Variants in TMEM132D observed in about 807,000 individuals in gnomAD.
TMEM132D encodes the protein mature OL transmembrane protein.
A neutral mutation model predicts 62.3 loss-of-function variants in TMEM132D; 21 were observed. That is an observed-to-expected ratio of 0.34 (90% confidence interval 0.24 to 0.49). The LOEUF (loss-of-function observed/expected upper bound fraction) is 0.49. TMEM132D is among the 20% of genes least tolerant of loss of function. The probability of loss-of-function intolerance (pLI) is 0.99; values close to 1 mark genes in which losing one functional copy is unlikely to be tolerated. For synonymous variants in TMEM132D, 621 were observed against 575.6 expected (o/e 1.08, Z -1.13); for missense variants, 1,346 against 1,402.8 (o/e 0.96, Z 0.65).
chr12:129,458,826 T>G (rs892959985), intron 3 of TMEM132D, among the ~76,000 whole-genome samples: 1 of 152,262 alleles, frequency 6.6e-6, no homozygotes, highest in Middle Eastern at 3.4e-3. Context: ...TTTCACCCAG[T>G]TGAAGTGGAG....
chr12:129,456,304 C>G (rs1873463649), intron 3 of TMEM132D, among the ~76,000 whole-genome samples: 1 of 152,114 alleles, frequency 6.6e-6, no homozygotes, highest in Non-Finnish European at 1.5e-5. Flanking sequence ...CAAACGTTAC[C>G]TGCTGTTACC....
At chr12:129,789,898 C>A (rs2095149727) in intron 1 of TMEM132D, among the ~76,000 whole-genome samples, 1 of 152,230 alleles carries the variant, frequency 6.6e-6, no homozygotes, top group Non-Finnish European at 1.5e-5. Context: ...TCTATTAGGA[C>A]ATCACTTGTG....
intron 4 of TMEM132D, among the ~76,000 whole-genome samples, chr12:129,260,148 G>A (rs918711874): frequency 6.6e-6 from 1 of 152,184 alleles, no homozygotes; most frequent in African/African-American, 2.4e-5. Context: ...TAAATTTGGG[G>A]GGTTGAGAAG....
At chr12:129,865,499 T>C (rs1242329760) in intron 1 of TMEM132D, among the ~76,000 whole-genome samples, 1 of 152,146 alleles carries the variant, frequency 6.6e-6, no homozygotes, top group Non-Finnish European at 1.5e-5. Flanking sequence ...TCATACAACT[T>C]CTGCTCAACA....
chr12:129,815,099 T>G (rs1872306322), intron 1 of TMEM132D, among the ~76,000 whole-genome samples: 1 of 152,236 alleles, frequency 6.6e-6, no homozygotes, highest in East Asian at 1.9e-4. Flanking sequence ...AATGAATATT[T>G]GTCGTAACAA....
At chr12:129,400,985 C>T (rs1315561557) in intron 3 of TMEM132D, among the ~76,000 whole-genome samples, 2 of 152,312 alleles carry the variant, frequency 1.3e-5, no homozygotes, top group East Asian at 1.9e-4. Flanking sequence ...ATTTGTGGCC[C>T]TGGAGTGAGG....
At chr12:129,230,497 C>T (rs1002190551) in intron 4 of TMEM132D, among the ~76,000 whole-genome samples, 6 of 152,252 alleles carry the variant, frequency 3.9e-5, no homozygotes, top group Admixed American at 1.3e-4. Flanking sequence ...AGATTATGGA[C>T]ACTGGTCTCA....
rs190625084 is a variant in TMEM132D, at chr12:129,377,766, A to G, written c.1116-39949T>C. ...CAAAGAAATACGTGGTCCACCTTCCATGACTGTGCAGACCCACATGCTGTG... is the reference window on the plus strand; with the variant it reads ...CAAAGAAATACGTGGTCCACCTTCCGTGACTGTGCAGACCCACATGCTGTG... On this transcript the variant is annotated intron_variant, in intron 3 of 8. Transcript: ENST00000422113. Among the ~76,000 whole-genome samples the G allele has an allele frequency of 4.3e-4, 66 of 152,310 alleles. 1 individual carries two copies. The highest frequency in any genetic ancestry group is 2.9e-3 in the South Asian group (14 of 4,824).
chr12:129,629,223 G>A (rs1261592769), intron 2 of TMEM132D, among the ~76,000 whole-genome samples: 2 of 152,114 alleles, frequency 1.3e-5, no homozygotes, highest in African/African-American at 4.8e-5. Flanking sequence ...CCTGTTTGCA[G>A]CATCCCTGCC....
intron 3 of TMEM132D, among the ~76,000 whole-genome samples, chr12:129,421,293 A>G (rs10773658): frequency 0.5 from 71,011 of 142,154 alleles, 18,254 homozygotes; most frequent in Non-Finnish European, 0.59. Flanking sequence ...TGAGGAGATC[A>G]TAGTATGTAT....
intron 1 of TMEM132D, among the ~76,000 whole-genome samples, chr12:129,890,763 T>G (rs1045867847): frequency 2.0e-5 from 3 of 152,222 alleles, no homozygotes; most frequent in African/African-American, 7.2e-5. Context: ...AGAGTTAATC[T>G]CATATTCATC....
chr12:129,282,284 A>G (rs141266900), intron 4 of TMEM132D, among the ~76,000 whole-genome samples: 1 of 152,184 alleles, frequency 6.6e-6, no homozygotes, highest in East Asian at 1.9e-4. Context: ...GAGGGAGCTT[A>G]TCCCTCCCCC....
At chr12:129,093,199 C>T (rs1002135628) in intron 5 of TMEM132D, among the ~76,000 whole-genome samples, 1 of 152,176 alleles carries the variant, frequency 6.6e-6, no homozygotes, top group African/African-American at 2.4e-5. Context: ...GAGGGAAAAA[C>T]AGGCAACTTG....
intron 5 of TMEM132D, among the ~76,000 whole-genome samples, chr12:129,139,996 A>G (rs1052534450): frequency 1.3e-5 from 2 of 152,060 alleles, no homozygotes; most frequent in African/African-American, 4.8e-5. Context: ...GATTACAGGC[A>G]TAAACCACCA....
At chr12:129,619,865 A>G (rs1185243408) in intron 2 of TMEM132D, among the ~76,000 whole-genome samples, 1 of 152,208 alleles carries the variant, frequency 6.6e-6, no homozygotes, top group Admixed American at 6.5e-5. Flanking sequence ...TCATTTTGCA[A>G]TTGAGTGTAT....
At chr12:129,196,600 G>A (rs1339533783) in intron 5 of TMEM132D, among the ~76,000 whole-genome samples, 1 of 152,112 alleles carries the variant, frequency 6.6e-6, no homozygotes, top group African/African-American at 2.4e-5. Flanking sequence ...ATGGTCCTGG[G>A]AGGAGTATCT....
intron 5 of TMEM132D, among the ~76,000 whole-genome samples, chr12:129,106,911 C>G (rs1305651406): frequency 6.6e-6 from 1 of 152,158 alleles, no homozygotes; most frequent in Non-Finnish European, 1.5e-5. Context: ...GGACAGTCAC[C>G]ACTGCTGTCT....
At chr12:129,587,863 G>T (rs546718592) in intron 2 of TMEM132D, among the ~76,000 whole-genome samples, 1 of 152,114 alleles carries the variant, frequency 6.6e-6, no homozygotes, top group African/African-American at 2.4e-5. Context: ...AAATAAAATC[G>T]CACGCATGGT....
chr12:129,433,303 C>T (rs1872712086), intron 3 of TMEM132D, among the ~76,000 whole-genome samples: 1 of 152,132 alleles, frequency 6.6e-6, no homozygotes, highest in Admixed American at 6.5e-5. Flanking sequence ...ATTGAGACTG[C>T]CTCTGTTTAA....
Sources: allele counts gnomAD v4.1 joint callset (sites outside exome capture counted in the v4.1 genomes callset), GRCh38; gene constraint gnomAD v4.1.1; transcripts MANE v1.5; gene names NCBI Gene and HGNC (gene_info 2026-07-23, HGNC 2026-07-21).